ARAP2: variants seen among roughly 807,000 people sequenced by gnomAD.
ARAP2 encodes the protein ArfGAP with RhoGAP domain, ankyrin repeat and PH domain 2, also known as arf-GAP with Rho-GAP domain, ANK repeat and PH domain-containing protein 2.
ARAP2 carries 148 observed loss-of-function variants against 194.5 expected under a neutral mutation model. The observed-to-expected ratio is 0.76, with a 90% CI of 0.67 to 0.87. The LOEUF is 0.87. Ranked by LOEUF, ARAP2 falls within the 40% of genes least tolerant of loss-of-function variation. The pLI, the probability that ARAP2 is intolerant of heterozygous loss-of-function variation, is 0.00. For synonymous variants in ARAP2, 695 were observed against 683.5 expected, an observed-to-expected ratio of 1.02 and a Z score of -0.26; for missense variants, 2,128 against 1,989.7, an observed-to-expected ratio of 1.07 and a Z score of -1.32.
chr4:36,121,135 G>A (rs748579083), intron 23 of ARAP2, 44 bp downstream of exon 23: 42 of 1,419,426 alleles, frequency 3.0e-5, no homozygotes, highest in Non-Finnish European at 3.9e-5. Context: ...GGCAAACAGT[G>A]ACATTATAAC....
At chr4:36,204,238 A>T (rs560266253) in intron 6 of ARAP2, among the ~76,000 whole-genome samples, 1 of 152,366 alleles carries the variant, frequency 6.6e-6, no homozygotes, top group South Asian at 2.1e-4. Flanking sequence ...TGTATAAAGT[A>T]TCAAAAATGA....
Position 36,133,371 on chromosome 4 carries a change from C to T in ARAP2, c.3282G>A (p.Gly1094=). The change falls in exon 20 of 33, where the codon GGG becomes GGA. Residue 1094 remains glycine (G), a synonymous_variant. Transcript: ENST00000303965. Reference sequence around the variant, plus strand: ...AGACTGTGAAATCCAACTTGGTATGCCCATGGATGTATAATGTTCTGTAAA... The same window carrying T: ...AGACTGTGAAATCCAACTTGGTATGTCCATGGATGTATAATGTTCTGTAAA... ...VEKGRTLYIH[G]HTKLDFTVWH... 2 of 1,610,366 alleles carry T rather than the reference C, an allele frequency of 1.2e-6. No homozygotes were observed. The highest frequency in any genetic ancestry group is 1.7e-6 in the Non-Finnish European group (2 of 1,177,768).
intron 8 of ARAP2, among the ~76,000 whole-genome samples, chr4:36,180,255 A>G (rs947692335): frequency 2.6e-5 from 4 of 152,090 alleles, no homozygotes; most frequent in African/African-American, 7.2e-5. Context: ...CTGGGCAACA[A>G]GAGCAAAACT....
At chr4:36,193,540 T>G in intron 7 of ARAP2, 38 bp downstream of exon 7, 1 of 1,484,998 alleles carries the variant, frequency 6.7e-7, no homozygotes, top group Non-Finnish European at 9.1e-7. Context: ...TTCGTATGCA[T>G]AAAAAAGCAA....
At chr4:36,148,622 A>ATT (rs1730215313) in intron 16 of ARAP2, 115 bp from the exon 17 acceptor site, 1 of 738,788 alleles carries the variant, frequency 1.4e-6, no homozygotes, top group Non-Finnish European at 2.2e-6. Flanking sequence ...TAATGTTATG[A>ATT]AATCATCCTA....
intron 31 of ARAP2, among the ~76,000 whole-genome samples, 175 bp from the exon 32 acceptor site, chr4:36,073,998 ACT>A (rs1727658477): frequency 6.6e-6 from 1 of 151,934 alleles, no homozygotes; most frequent in South Asian, 2.1e-4. Flanking sequence ...AGGACATGAA[ACT>A]CTTAACTGAA....
intron 31 of ARAP2, among the ~76,000 whole-genome samples, chr4:36,075,795 C>T (rs937332048): frequency 6.6e-6 from 1 of 152,116 alleles, no homozygotes; most frequent in African/African-American, 2.4e-5. Flanking sequence ...TTCATGAGTG[C>T]CTGCCAGTTG....
chr4:36,138,989 C>A lies in ARAP2; in HGVS notation c.3264-5600G>T, dbSNP rs190123642. ...CATCCTTTTAGACATTTCTATTCAT[C>A]ATTTTTTGCTATTTTATTGGGTTTT... On this transcript the variant is annotated intron_variant, in intron 19 of 32. Coordinates refer to ENST00000303965, the MANE Select transcript of ARAP2 (RefSeq NM_015230.4). Among the ~76,000 whole-genome samples the A allele has an allele frequency of 7.9e-5, 12 of 151,714 alleles. No individual in the cohort carries two copies. In the East Asian group the frequency reaches 1.9e-3, roughly 25 times the overall value.
At position 36,124,926 on chromosome 4, in the gene ARAP2, A is replaced by G. The variant is rs746750154; in HGVS notation, c.3682T>C (p.Phe1228Leu). Reference protein sequence around the residue: ...DKERIKKYGAFIRSLPGVNRA... With the variant: ...DKERIKKYGALIRSLPGVNRA... ...TTGACCCCTGGAAGAGAACGTATAAATGCTCCATATTTTTTAATTCTTTCC... is the reference window on the plus strand; with the variant it reads ...TTGACCCCTGGAAGAGAACGTATAAGTGCTCCATATTTTTTAATTCTTTCC... Residue 1228 changes from phenylalanine (F) to leucine (L), a missense_variant, in exon 22 of 33, where the codon TTT (phenylalanine) becomes CTT (leucine). By Grantham distance (22) the Phe-to-Leu change is conservative. Transcript: ENST00000303965. 1.2e-6 allele frequency: 2 copies of G among 1,611,052 alleles called. No homozygotes were observed. Among genetic ancestry groups the G allele is most frequent in the East Asian group, 2.2e-5 (1 of 44,712 alleles).
chr4:36,224,291 A>G (rs1024008325), intron 2 of ARAP2, among the ~76,000 whole-genome samples: 9 of 125,346 alleles, frequency 7.2e-5, no homozygotes, highest in African/African-American at 2.7e-4. Flanking sequence ...GGGTCATTCT[A>G]GAGTGAAATT....
chr4:36,200,378 C>T (rs2109224434), intron 6 of ARAP2, among the ~76,000 whole-genome samples: 1 of 152,196 alleles, frequency 6.6e-6, no homozygotes, highest in East Asian at 1.9e-4. Flanking sequence ...GCCTCAGCCT[C>T]CTGAGTAGCT....
chr4:36,093,418 C>T (rs1282074082), intron 27 of ARAP2, among the ~76,000 whole-genome samples: 1 of 151,958 alleles, frequency 6.6e-6, no homozygotes, highest in Non-Finnish European at 1.5e-5. Flanking sequence ...AAATAACATA[C>T]TTGAAAAACT....
intron 1 of ARAP2, among the ~76,000 whole-genome samples, chr4:36,241,680 A>C (rs751290552): frequency 1.3e-5 from 2 of 152,238 alleles, no homozygotes; most frequent in Non-Finnish European, 2.9e-5. Context: ...CACCACAAAA[A>C]AACAACTTTT....
At chr4:36,203,742 G>GCAAT (rs1415450497) in intron 6 of ARAP2, among the ~76,000 whole-genome samples, 2 of 152,058 alleles carry the variant, frequency 1.3e-5, no homozygotes. Context: ...GAAACAAATA[G>GCAAT]CAAGGCCCAT....
intron 27 of ARAP2, among the ~76,000 whole-genome samples, chr4:36,103,099 A>T (rs2109441614): frequency 6.6e-6 from 1 of 151,776 alleles, no homozygotes; most frequent in South Asian, 2.1e-4. Context: ...TTAAGTTCAT[A>T]GATAGTGAAT....
intron 6 of ARAP2, among the ~76,000 whole-genome samples, chr4:36,202,362 T>C (rs1256889014): frequency 6.6e-6 from 1 of 152,170 alleles, no homozygotes; most frequent in Non-Finnish European, 1.5e-5. Context: ...TTCTCACTTT[T>C]GAGCAAACCA....
At chr4:36,209,885 A>T (rs1746355042) in intron 6 of ARAP2, among the ~76,000 whole-genome samples, 1 of 152,178 alleles carries the variant, frequency 6.6e-6, no homozygotes, top group African/African-American at 2.4e-5. Context: ...CGGGACTCTG[A>T]CCTTCTGTGT....
intron 10 of ARAP2, 29 bp from the exon 11 acceptor site, chr4:36,165,142 G>A (rs115593344): frequency 2.2e-5 from 36 of 1,609,976 alleles, no homozygotes; most frequent in Non-Finnish European, 2.7e-5. Flanking sequence ...CTGTGTTATC[G>A]ATCTCCCTTG....
chr4:36,100,324 A>G (rs1208319748), intron 27 of ARAP2, among the ~76,000 whole-genome samples: 1 of 151,698 alleles, frequency 6.6e-6, no homozygotes, highest in Non-Finnish European at 1.5e-5. Flanking sequence ...AAATTGATCT[A>G]TTTTTCGTGG....
Sources: gnomAD v4.1 joint callset for allele counts (sites outside exome capture counted in the v4.1 genomes callset) on GRCh38, gnomAD v4.1.1 for gene constraint, MANE v1.5 for transcripts, NCBI Gene and HGNC (gene_info 2026-07-23, HGNC 2026-07-21) for gene names.